Variants in PIWIL4 observed in about 807,000 individuals in gnomAD.
PIWIL4 encodes the protein piwi like RNA-mediated gene silencing 4.
In PIWIL4, 50 loss-of-function variants were observed where a neutral mutation model predicts 100.9. That is an observed-to-expected ratio of 0.50 (90% confidence interval 0.39 to 0.63). PIWIL4 has a LOEUF of 0.63. PIWIL4 is among the 20% of genes least tolerant of loss of function. The pLI is 0.00. For synonymous variants in PIWIL4, 342 were observed against 367.5 expected (o/e 0.93, Z 0.79); for missense variants, 887 against 1,043.3 (o/e 0.85, Z 2.06).
At chr11:94,607,340 A>G in intron 13 of PIWIL4, 99 bp from the exon 14 acceptor site, 1 of 1,109,594 alleles carries the variant, frequency 9.0e-7, no homozygotes, top group Non-Finnish European at 1.3e-6. Context: ...TAAGGGTAAA[A>G]GATGTTTGGA....
At position 94,597,951 on chromosome 11, in the gene PIWIL4, T is replaced by A. The variant is rs114095007; in HGVS notation, c.1380+36T>A. 1,339 of 1,514,156 alleles carry A rather than the reference T, an allele frequency of 8.8e-4. 8 individuals carry two copies. The African/African-American group carries it at 0.017, about 19-fold the overall frequency. 93.8% of individuals were successfully genotyped at this position (1,514,156 alleles called of 1,614,324 possible). ...TGATTTTATTTTCATTTAAAAGTAT[T>A]TACTTGAATATGTGTAAGTTTTGTG... On this transcript the variant is annotated intron_variant, in intron 11 of 19. Coordinates refer to ENST00000299001, the MANE Select transcript of PIWIL4 (RefSeq NM_152431.3).
chr11:94,583,435 C>G lies in PIWIL4; in HGVS notation c.514-13C>G, dbSNP rs202198206. 9.1e-5 allele frequency: 146 copies of G among 1,612,808 alleles called. 4 individuals carry two copies. In the Middle Eastern group the frequency reaches 8.1e-3, roughly 90 times the overall value. On this transcript the variant is annotated splice_polypyrimidine_tract_variant and intron_variant, in intron 4 of 19. Coordinates refer to ENST00000299001, the MANE Select transcript of PIWIL4 (RefSeq NM_152431.3). ...AATTTGTAGGGTGCATATTAAGTACCTCTTTTTCCCAGGTCACAGAGTTGT... is the reference window on the plus strand; with the variant it reads ...AATTTGTAGGGTGCATATTAAGTACGTCTTTTTCCCAGGTCACAGAGTTGT...
intron 4 of PIWIL4, among the ~76,000 whole-genome samples, chr11:94,577,939 T>C (rs1948261252): frequency 6.6e-6 from 1 of 152,198 alleles, no homozygotes; most frequent in Admixed American, 6.5e-5. Flanking sequence ...GAAGCATTGT[T>C]GTGGTGCTTT....
At chr11:94,608,727 GACT>G in intron 15 of PIWIL4, 41 bp downstream of exon 15, 1 of 1,517,194 alleles carries the variant, frequency 6.6e-7, no homozygotes, top group Non-Finnish European at 9.1e-7. Context: ...CATTTAGTTA[GACT>G]ATTAATTGTG....
In PIWIL4 at chr11:94,583,504, C is replaced by G; in HGVS notation, c.570C>G (p.Thr190=). ...GTGAGACTATAAAGATGACTATCAC[C>G]CTGAAGAGGGAGCTGCCATCAAGTT... ...QRGETIKMTI[T]LKRELPSSSP... Residue 190 remains threonine, a synonymous_variant, in exon 5 of 20, where the codon ACC becomes ACG. Coordinates refer to ENST00000299001, the MANE Select transcript of PIWIL4 (RefSeq NM_152431.3). 1 of 1,613,798 alleles carries G rather than the reference C, an allele frequency of 6.2e-7. No individual in the cohort carries two copies. The highest frequency in any genetic ancestry group is 1.1e-5 in the South Asian group (1 of 91,074).
intron 7 of PIWIL4, 39 bp from the exon 8 acceptor site, chr11:94,589,082 T>C (rs1385617374): frequency 2.0e-6 from 3 of 1,468,194 alleles, no homozygotes; most frequent in Non-Finnish European, 2.8e-6. Flanking sequence ...TTATGTTAGA[T>C]GATTAAAAAA....
At chr11:94,617,000 A>G (rs1948855023) in intron 16 of PIWIL4, among the ~76,000 whole-genome samples, 1 of 152,218 alleles carries the variant, frequency 6.6e-6, no homozygotes, top group South Asian at 2.1e-4. Context: ...TGCCCTATCC[A>G]TAGCAGGATG....
chr11:94,589,414 GT>G (rs1948450741), intron 8 of PIWIL4, among the ~76,000 whole-genome samples, 182 bp downstream of exon 8: 1 of 152,020 alleles, frequency 6.6e-6, no homozygotes. Context: ...CCTATCTCCT[GT>G]TTCCTTCTTC....
chr11:94,606,444 T>A (rs1177217412), intron 13 of PIWIL4, among the ~76,000 whole-genome samples: 1 of 152,242 alleles, frequency 6.6e-6, no homozygotes, highest in Admixed American at 6.5e-5. Flanking sequence ...ACAGTGCATG[T>A]CTTTTCTACA....
intron 15 of PIWIL4, among the ~76,000 whole-genome samples, chr11:94,612,787 C>T (rs1948801389): frequency 6.6e-6 from 1 of 152,056 alleles, no homozygotes; most frequent in Non-Finnish European, 1.5e-5. Flanking sequence ...AAGCTGATAA[C>T]TTTATCACAT....
rs1948800122 is a variant in PIWIL4, at chr11:94,612,660, T to G, written c.1944-3833T>G. Among the ~76,000 whole-genome samples the G allele has an allele frequency of 2.6e-5, 4 of 152,290 alleles. No individual in the cohort carries two copies. The South Asian group carries it at 8.3e-4, about 32-fold the overall frequency. On this transcript the variant is annotated intron_variant, in intron 15 of 19. Transcript: ENST00000299001. The stretch of plus-strand genomic sequence containing the variant: ...CTTCCTTTGTGATTTGATGATTTTC[T>G]GCAATAGTATGCTTTACTCCTTTCT...
intron 5 of PIWIL4, 88 bp downstream of exon 5, chr11:94,583,657 G>GGCAGTGTGCCA: frequency 6.4e-7 from 1 of 1,550,596 alleles, no homozygotes; most frequent in Non-Finnish European, 8.8e-7. Context: ...CCATTTTGTA[G>GGCAGTGTGCCA]GCAGTGTGCC....
At chr11:94,616,864 C>T (rs557084682) in intron 16 of PIWIL4, among the ~76,000 whole-genome samples, 61 of 152,168 alleles carry the variant, frequency 4.0e-4, no homozygotes, top group Non-Finnish European at 8.2e-4. Context: ...CCTGGAGGAA[C>T]TCGAGTTATG....
intron 4 of PIWIL4, among the ~76,000 whole-genome samples, chr11:94,582,333 C>T (rs1402775900): frequency 5.3e-5 from 8 of 152,298 alleles, no homozygotes; most frequent in Non-Finnish European, 1.5e-5. Context: ...CTTTCTATAG[C>T]TGTCCACCTC....
At chr11:94,611,752 A>G (rs1270117) in intron 15 of PIWIL4, among the ~76,000 whole-genome samples, 6,093 of 152,226 alleles carry the variant, frequency 0.04, 195 homozygotes, top group South Asian at 0.1. Flanking sequence ...CTCTTTCACC[A>G]TGTGACACCC....
intron 15 of PIWIL4, among the ~76,000 whole-genome samples, chr11:94,608,890 TATTC>T (rs1249905066): frequency 6.6e-6 from 1 of 152,248 alleles, no homozygotes; most frequent in African/African-American, 2.4e-5. Context: ...ATCTTTTATA[TATTC>T]ATTAGGGTGA....
Position 94,577,328 on chromosome 11 carries a change from T to C in PIWIL4, c.349T>C (p.Phe117Leu), listed in dbSNP as rs765894413. Residue 117 changes from phenylalanine (F) to leucine (L), a missense_variant, in exon 4 of 20, where the codon TTT becomes CTT. Transcript: ENST00000299001. Reference sequence around the variant, plus strand: ...GGTTACAAACCTCTTTAACTTAGATTTTCCCCAAGACTGGCAGCTATACCA... The same window carrying C: ...GGTTACAAACCTCTTTAACTTAGATCTTCCCCAAGACTGGCAGCTATACCA... ...KLVTNLFNLD[F>L]PQDWQLYQYH... 2 of 1,613,996 alleles carry C rather than the reference T, an allele frequency of 1.2e-6. No homozygotes were observed. Among genetic ancestry groups the C allele is most frequent in the Non-Finnish European group, 8.5e-7 (1 of 1,180,010 alleles).
chr11:94,578,525 T>C (rs1461525291), intron 4 of PIWIL4, among the ~76,000 whole-genome samples: 2 of 152,218 alleles, frequency 1.3e-5, no homozygotes, highest in East Asian at 3.8e-4. Context: ...TTCAACATTG[T>C]CTCATCCCTT....
At position 94,607,573 on chromosome 11, in the gene PIWIL4, C is replaced by T. The variant is rs774449382; in HGVS notation, c.1773C>T (p.Ile591=). 2.4e-5 allele frequency: 39 copies of T among 1,614,074 alleles called. No homozygotes were observed. The highest frequency in any genetic ancestry group is 6.7e-5 in the Admixed American group (4 of 60,014). ...ATAAACAGGGCATGATGATGAGTATCGCCACCAAGATCGCTATGCAGATGA... is the reference window on the plus strand; with the variant it reads ...ATAAACAGGGCATGATGATGAGTATTGCCACCAAGATCGCTATGCAGATGA... ...TLNKQGMMMS[I]ATKIAMQMTC... is the part of the protein sequence containing the mutation. Residue 591 remains isoleucine, a synonymous_variant, in exon 14 of 20, where the codon ATC becomes ATT. Transcript: ENST00000299001.
Sources: allele counts gnomAD v4.1 joint callset (sites outside exome capture counted in the v4.1 genomes callset), GRCh38; gene constraint gnomAD v4.1.1; transcripts MANE v1.5; gene names NCBI Gene and HGNC (gene_info 2026-07-23, HGNC 2026-07-21).